Variants in NEURL1B observed in about 807,000 individuals in gnomAD.
NEURL1B encodes neuralized E3 ubiquitin protein ligase 1B.
In NEURL1B, 13 loss-of-function variants were observed where a neutral mutation model predicts 37.4. The observed-to-expected ratio is 0.35, with a 90% CI of 0.23 to 0.55. NEURL1B has a LOEUF of 0.55. NEURL1B is among the 20% of genes least tolerant of loss of function. NEURL1B has a pLI of 0.89. For missense variants in NEURL1B, 790 were observed against 879.2 expected, an observed-to-expected ratio of 0.90 and a Z score of 1.28; for synonymous variants, 432 against 426.6, an observed-to-expected ratio of 1.01 and a Z score of -0.16.
At chr5:172,673,012 T>C (rs2113310978) in intron 2 of NEURL1B, among the ~76,000 whole-genome samples, 1 of 152,092 alleles carries the variant, frequency 6.6e-6, no homozygotes, top group East Asian at 1.9e-4. Context: ...TGACACGTGA[T>C]TGAGGCTCAA....
At position 172,687,049 on chromosome 5, in the gene NEURL1B, T is replaced by C. The variant is rs948422695; in HGVS notation, c.*124T>C. The stretch of plus-strand genomic sequence containing the variant: ...GCCATCTCTCCAGTGGTGGGCAAGG[T>C]GTGACAGTCGTGGAGCGAGGCCCAC... On this transcript the variant is annotated 3_prime_UTR_variant, in exon 5 of 5. Coordinates refer to ENST00000369800, the MANE Select transcript of NEURL1B (RefSeq NM_001142651.3). 16 of 1,196,330 alleles carry C rather than the reference T, an allele frequency of 1.3e-5. No individual in the cohort carries two copies. Among genetic ancestry groups the C allele is most frequent in the Non-Finnish European group, 1.7e-5 (15 of 872,964 alleles). The allele number at this position is 1,196,330 out of a possible 1,614,324, so 74.1% of individuals were successfully genotyped here.
At chr5:172,654,279 G>A (rs1386188649) in intron 1 of NEURL1B, among the ~76,000 whole-genome samples, 5 of 152,204 alleles carry the variant, frequency 3.3e-5, no homozygotes, top group African/African-American at 7.2e-5. Flanking sequence ...GAAACAGCTC[G>A]CACTTTGAGC....
At position 172,686,645 on chromosome 5, in the gene NEURL1B, C is replaced by G; in HGVS notation, c.1424-36C>G. ...CCCAACAGAGCCCACCTGAGAGAGACATTGTTAACATATGTCCTCTTCTCC... is the reference window on the plus strand; with the variant it reads ...CCCAACAGAGCCCACCTGAGAGAGAGATTGTTAACATATGTCCTCTTCTCC... On this transcript the variant is annotated intron_variant, in intron 4 of 4. Coordinates refer to ENST00000369800, the MANE Select transcript of NEURL1B (RefSeq NM_001142651.3). This position sits in a 1 kb window ranked among gnomAD's most constrained non-coding sequence, Gnocchi z 7.9. The G allele has an allele frequency of 6.5e-7, 1 of 1,531,840 alleles. No individual in the cohort carries two copies. The highest frequency in any genetic ancestry group is 8.8e-7 in the Non-Finnish European group (1 of 1,131,720). The allele number at this position is 1,531,840 out of a possible 1,614,324, so 94.9% of individuals were successfully genotyped here.
rs1278296455 is a variant in NEURL1B at position 172,656,596 on chromosome 5, G to C, written c.32-13189G>C. On this transcript the variant is annotated intron_variant, in intron 1 of 4. Coordinates refer to ENST00000369800, the MANE Select transcript of NEURL1B (RefSeq NM_001142651.3). ...GCGGCCTTCGCTTTTAGCTCCTCGA[G>C]TTTCTTCTGCTCCTCTTTTTGTTTC... is the stretch of plus-strand genomic sequence containing the variant. 9 of 1,610,852 alleles carry C rather than the reference G, an allele frequency of 5.6e-6. No individual in the cohort carries two copies. In the East Asian group the frequency reaches 2.0e-4, roughly 36 times the overall value.
intron 1 of NEURL1B, among the ~76,000 whole-genome samples, chr5:172,643,003 A>G (rs1561638930): frequency 6.6e-6 from 1 of 152,256 alleles, no homozygotes. Flanking sequence ...TATTCTAGTA[A>G]AAAGCCATTC....
In NEURL1B at chr5:172,690,641, C is replaced by G. The variant is rs1402321963; in HGVS notation, c.*3716C>G. 1 of 152,296 alleles carries G rather than the reference C, an allele frequency of 6.6e-6. No homozygotes were observed. The highest frequency in any genetic ancestry group is 1.5e-5 in the Non-Finnish European group (1 of 68,110). The allele number at this position is 152,296 out of a possible 1,614,324, so 9.4% of individuals were successfully genotyped here. A position where few individuals can be genotyped will look rare whatever the true frequency, so the allele number is the denominator to read the frequency against. ...TATTTGGGGCAGAATCCACTGGGCT[C>G]TCTTGGCCATCCGCTGCCTTGGGTC... On this transcript the variant is annotated 3_prime_UTR_variant, in exon 5 of 5. Transcript: ENST00000369800.
At chr5:172,656,869 C>T (rs1663389063) in intron 1 of NEURL1B, among the ~76,000 whole-genome samples, 2 of 152,236 alleles carry the variant, frequency 1.3e-5, no homozygotes, top group South Asian at 4.1e-4. Flanking sequence ...CCCTCCCTCC[C>T]TCATGGGGCT....
At position 172,683,425 on chromosome 5, in the gene NEURL1B, C is replaced by T; in HGVS notation, c.584C>T (p.Ala195Val). ...ITDEVQLLES[A>V]FADTLTPARL... ...CCTCCCTTTGTCCGCACAGAGAGCG[C>T]CTTCGCTGACACGCTGACGCCCGCG... The change falls in exon 3 of 5, where the codon GCC becomes GTC. Residue 195 changes from alanine (A) to valine (V), a missense_variant. Ala to Val is a moderately conservative substitution (Grantham distance 64, BLOSUM62 0). This residue lies in a region of NEURL1B where 460 missense variants were observed against 407.4 expected (regional missense o/e 1.13). Coordinates refer to ENST00000369800, the MANE Select transcript of NEURL1B (RefSeq NM_001142651.3). The surrounding 1 kb of genome is among the most constrained non-coding windows in gnomAD (Gnocchi z 5.6). 1 of 1,400,860 alleles carries T rather than the reference C, an allele frequency of 7.1e-7. No individual in the cohort carries two copies. Among genetic ancestry groups the T allele is most frequent in the Non-Finnish European group, 9.3e-7 (1 of 1,073,390 alleles). 86.8% of individuals were successfully genotyped at this position (1,400,860 alleles called of 1,614,324 possible).
Position 172,684,053 on chromosome 5 carries a change from C to A in NEURL1B, c.1212C>A (p.Gly404=), listed in dbSNP as rs1581440437. The A allele has an allele frequency of 7.5e-7, 1 of 1,329,950 alleles. No homozygotes were observed. Among genetic ancestry groups the A allele is most frequent in the Non-Finnish European group, 9.6e-7 (1 of 1,038,216 alleles). The allele number at this position is 1,329,950 out of a possible 1,614,324, so 82.4% of individuals were successfully genotyped here. The part of the protein sequence containing the change: ...VLLGINGRPR[G]RLLCVDTTQA... ...TGGGCATCAACGGGCGTCCGCGCGG[C>A]CGCCTGCTGTGCGTCGACACCACGC... The change falls in exon 3 of 5, where the codon GGC becomes GGA. Residue 404 remains glycine, a synonymous_variant. Coordinates refer to ENST00000369800, the MANE Select transcript of NEURL1B (RefSeq NM_001142651.3).
intron 1 of NEURL1B, among the ~76,000 whole-genome samples, chr5:172,664,110 T>G (rs1194021298): frequency 6.6e-6 from 1 of 152,164 alleles, no homozygotes; most frequent in African/African-American, 2.4e-5. Context: ...AAATTGTCTG[T>G]GCACTCTGAT....
At chr5:172,653,591 G>C (rs1396698609) in intron 1 of NEURL1B, among the ~76,000 whole-genome samples, 1 of 152,112 alleles carries the variant, frequency 6.6e-6, no homozygotes, top group Non-Finnish European at 1.5e-5. Flanking sequence ...TAGCCAATAT[G>C]TTTACACACA....
intron 1 of NEURL1B, among the ~76,000 whole-genome samples, chr5:172,649,345 C>CTT (rs70984904): frequency 5.2e-4 from 34 of 65,208 alleles, no homozygotes; most frequent in African/African-American, 1.1e-3. Flanking sequence ...CCCTTCACTT[C>CTT]TTTTTTTTTT....
intron 1 of NEURL1B, among the ~76,000 whole-genome samples, chr5:172,664,098 C>A (rs1395517701): frequency 6.6e-6 from 1 of 152,056 alleles, no homozygotes; most frequent in Non-Finnish European, 1.5e-5. Context: ...AAGCAGGACA[C>A]AAAATTGTCT....
intron 1 of NEURL1B, among the ~76,000 whole-genome samples, chr5:172,649,345 C>CTTTTTTTTTTTTTTTTTTTTTTT (rs70984904): frequency 1.5e-5 from 1 of 65,164 alleles, no homozygotes; most frequent in Non-Finnish European, 2.8e-5. Flanking sequence ...CCCTTCACTT[C>CTTTTTTTTTTTTTTTTTTTTTTT]TTTTTTTTTT....
intron 1 of NEURL1B, among the ~76,000 whole-genome samples, chr5:172,645,666 T>C (rs1015224856): frequency 3.3e-5 from 5 of 152,220 alleles, no homozygotes; most frequent in Non-Finnish European, 7.3e-5. Context: ...CTTGCTTGTC[T>C]TGTCCCATCT....
rs777836798 is a variant in NEURL1B, at chr5:172,647,308, G to T, written c.31+5871G>T. On this transcript the variant is annotated intron_variant, in intron 1 of 4. Transcript: ENST00000369800. This position sits in a 1 kb window ranked among gnomAD's most constrained non-coding sequence, Gnocchi z 4.2. ...AGCACACGCTCACCTGGGCAGTGTC[G>T]CGGGGTGGTCCGAGCTTCTGCACAC... 6.6e-6 allele frequency among the ~76,000 whole-genome samples: 1 copy of T among 152,156 alleles called. No homozygotes were observed. The highest frequency in any genetic ancestry group is 6.5e-5 in the Admixed American group (1 of 15,288).
At chr5:172,677,758 C>T (rs1271586230) in intron 2 of NEURL1B, among the ~76,000 whole-genome samples, 1 of 152,100 alleles carries the variant, frequency 6.6e-6, no homozygotes, top group Non-Finnish European at 1.5e-5. Context: ...TGTCTACTTC[C>T]TCCGCCTCCA....
intron 1 of NEURL1B, among the ~76,000 whole-genome samples, chr5:172,652,876 T>C (rs550393957): frequency 6.6e-6 from 1 of 152,210 alleles, no homozygotes; most frequent in Non-Finnish European, 1.5e-5. Context: ...ATCAAGAGTT[T>C]AGCTTTAGTC....
chr5:172,679,803 T>C (rs1758311221), intron 2 of NEURL1B, among the ~76,000 whole-genome samples: 1 of 152,178 alleles, frequency 6.6e-6, no homozygotes, highest in Non-Finnish European at 1.5e-5. Flanking sequence ...ATCCCTTATC[T>C]CCAGGTCGCA....
Sources: allele counts gnomAD v4.1 joint callset (sites outside exome capture counted in the v4.1 genomes callset), GRCh38; gene constraint gnomAD v4.1.1; regional missense constraint gnomAD v4.1.1; non-coding constraint Gnocchi (gnomAD v3.1); transcripts MANE v1.5; gene names NCBI Gene and HGNC (gene_info 2026-07-23, HGNC 2026-07-21).